The following SDC3 variants were observed in gnomAD, a reference collection of about 807,000 sequenced individuals.
SDC3 encodes the protein syndecan 3.
In SDC3, 13 loss-of-function variants were observed where a neutral mutation model predicts 24.4. The ratio of observed to expected loss-of-function variants is 0.53; its 90% CI spans 0.35 to 0.85. The LOEUF (loss-of-function observed/expected upper bound fraction) is 0.85. SDC3 is among the 40% of genes least tolerant of loss of function. SDC3 has a pLI of 0.01. For synonymous variants in SDC3, 295 were observed against 260.9 expected, an observed-to-expected ratio of 1.13 and a Z score of -1.26; for missense variants, 571 against 584.5, an observed-to-expected ratio of 0.98 and a Z score of 0.24.
intron 1 of SDC3, among the ~76,000 whole-genome samples, chr1:30,887,880 CCT>C (rs1639853283): frequency 6.6e-6 from 1 of 152,218 alleles, no homozygotes; most frequent in South Asian, 2.1e-4. Flanking sequence ...CCTCAGTCTC[CCT>C]GTGTGTAAAA....
chr1:30,879,686 T>C (rs1020844710), intron 1 of SDC3, among the ~76,000 whole-genome samples: 2 of 152,316 alleles, frequency 1.3e-5, no homozygotes, highest in East Asian at 3.9e-4. Flanking sequence ...CTGTCTTCAC[T>C]GTCTTTCTAT....
At chr1:30,886,741 G>A (rs567849606) in intron 1 of SDC3, among the ~76,000 whole-genome samples, 14 of 152,204 alleles carry the variant, frequency 9.2e-5, no homozygotes, top group Non-Finnish European at 1.9e-4. Flanking sequence ...GAAAAGGCTG[G>A]GCCATTCCAT....
intron 1 of SDC3, among the ~76,000 whole-genome samples, chr1:30,904,854 C>A (rs1048614779): frequency 6.6e-6 from 1 of 152,184 alleles, no homozygotes; most frequent in Non-Finnish European, 1.5e-5. Flanking sequence ...GAGCTCACTA[C>A]GTGGCAGGTG....
Position 30,869,648 on chromosome 1 carries a change from TTTTTC to T in SDC3, c.*3558_*3562del, listed in dbSNP as rs1486304423. The T allele has an allele frequency of 8.5e-5, 34 of 398,416 alleles. No individual in the cohort carries two copies. The highest frequency in any genetic ancestry group is 1.2e-4 in the Non-Finnish European group (27 of 226,106). 24.7% of individuals were successfully genotyped at this position (398,416 alleles called of 1,614,324 possible). On this transcript the variant is annotated 3_prime_UTR_variant, in exon 5 of 5. Transcript: ENST00000339394. ...GCCTTGGTCTCTTTTTTCCACTGTCTTTTTCTTTTGTTTTTCTTATTTAAGGTTTT... is the reference window on the plus strand; with the variant it reads ...GCCTTGGTCTCTTTTTTCCACTGTCTTTTTGTTTTTCTTATTTAAGGTTTT...
chr1:30,874,687 T>G (rs966103621), intron 3 of SDC3, 99 bp from the exon 4 acceptor site: 27 of 1,090,176 alleles, frequency 2.5e-5, no homozygotes, highest in Non-Finnish European at 6.8e-6. Flanking sequence ...TAGCACTCCC[T>G]ACATGCCAGG....
intron 2 of SDC3, chr1:30,878,300 G>C: frequency 3.9e-6 from 1 of 257,140 alleles, no homozygotes; most frequent in South Asian, 6.8e-5. Flanking sequence ...CCCACCATTG[G>C]CCACAGCTTA....
In SDC3 at chr1:30,908,619, G is replaced by GGCGGCGT; in HGVS notation, c.-34_-33insACGCCGC. On this transcript the variant is annotated 5_prime_UTR_variant, in exon 1 of 5. Coordinates refer to ENST00000339394, the MANE Select transcript of SDC3 (RefSeq NM_014654.4). The stretch of plus-strand genomic sequence containing the variant: ...GCGCGGGCGCGGGCGGCGGGCGGCG[G>GGCGGCGT]GCGGGCGCCTTTGTTCCCGAGGCGC... 1 of 899,526 alleles carries GGCGGCGT rather than the reference G, an allele frequency of 1.1e-6. No individual in the cohort carries two copies. Among genetic ancestry groups the GGCGGCGT allele is most frequent in the South Asian group, 4.9e-5 (1 of 20,216 alleles). The allele number at this position is 899,526 out of a possible 1,614,324, so 55.7% of individuals were successfully genotyped here.
chr1:30,908,460 GC>G lies in SDC3; in HGVS notation c.126del (p.Arg43AlafsTer61). ...LPPLLLLLLA[G>X]RAAGAQRWRS... ...CGCGTGTCACTCACCCCCGCGGCGC[GC>G]CCCGCCAGCAGCAGCAGCAGCAGCG... is the stretch of plus-strand genomic sequence containing the variant. On this transcript the variant is annotated frameshift_variant, in exon 1 of 5. Coordinates refer to ENST00000339394, the MANE Select transcript of SDC3 (RefSeq NM_014654.4). LOFTEE classifies it high-confidence loss of function. 2 of 1,036,946 alleles carry G rather than the reference GC, an allele frequency of 1.9e-6. No individual in the cohort carries two copies. Among genetic ancestry groups the G allele is most frequent in the Non-Finnish European group, 2.3e-6 (2 of 859,948 alleles). 64.2% of individuals were successfully genotyped at this position (1,036,946 alleles called of 1,614,324 possible). A position where few individuals can be genotyped will look rare whatever the true frequency, so the allele number is the denominator to read the frequency against.
At chr1:30,876,492 C>T in intron 3 of SDC3, 60 bp downstream of exon 3, 2 of 1,402,130 alleles carry the variant, frequency 1.4e-6, no homozygotes, top group East Asian at 2.3e-5. Context: ...CCATCCTCCT[C>T]ATCCCTCCCC....
chr1:30,890,412 T>C (rs1443494684), intron 1 of SDC3, among the ~76,000 whole-genome samples: 1 of 152,262 alleles, frequency 6.6e-6, no homozygotes, highest in Non-Finnish European at 1.5e-5. Context: ...TATTATATTA[T>C]TCCATTTATA....
At chr1:30,896,355 C>G (rs1639998259) in intron 1 of SDC3, among the ~76,000 whole-genome samples, 1 of 152,084 alleles carries the variant, frequency 6.6e-6, no homozygotes, top group Non-Finnish European at 1.5e-5. Context: ...CTGAGGGGAA[C>G]CAGACACTAC....
Position 30,873,026 on chromosome 1 carries a change from G to C in SDC3, c.*185C>G. 1 of 613,450 alleles carries C rather than the reference G, an allele frequency of 1.6e-6. No homozygotes were observed. Among genetic ancestry groups the C allele is most frequent in the South Asian group, 1.9e-5 (1 of 51,800 alleles). The allele number at this position is 613,450 out of a possible 1,614,324, so 38.0% of individuals were successfully genotyped here. On this transcript the variant is annotated 3_prime_UTR_variant, in exon 5 of 5. Transcript: ENST00000339394. ...GTAAGGGCACAGTCTGGGGCAGATG[G>C]CAGCAGCCCCTCTTCCTCGGGGAAG...
intron 1 of SDC3, chr1:30,879,073 C>G: frequency 4.4e-6 from 1 of 227,148 alleles, no homozygotes; most frequent in Non-Finnish European, 8.9e-6. Context: ...TCTGAGCAGC[C>G]GCAATGTTGG....
chr1:30,893,555 AC>A (rs1639939604), intron 1 of SDC3, among the ~76,000 whole-genome samples: 1 of 150,480 alleles, frequency 6.6e-6, no homozygotes, highest in South Asian at 2.1e-4. Context: ...TCCCCATCCC[AC>A]CCTAGTCTCA....
At position 30,873,232 on chromosome 1, in the gene SDC3, C is replaced by T. The variant is rs757238150; in HGVS notation, c.1308G>A (p.Lys436=). 5.6e-6 allele frequency: 9 copies of T among 1,613,676 alleles called. No homozygotes were observed. Among genetic ancestry groups the T allele is most frequent in the Middle Eastern group, 1.7e-4 (1 of 6,054 alleles). The part of the protein sequence containing the change: ...QASVTYQKPD[K]QEEFYA ...TCCACTAGGCATAGAACTCCTCCTG[C>T]TTGTCAGGCTTCTGGTATGTGACGC... The change falls in exon 5 of 5, where the codon AAG becomes AAA. Residue 436 remains lysine, a synonymous_variant. Coordinates refer to ENST00000339394, the MANE Select transcript of SDC3 (RefSeq NM_014654.4).
intron 1 of SDC3, among the ~76,000 whole-genome samples, chr1:30,900,526 T>C (rs1638393982): frequency 1.3e-5 from 2 of 151,996 alleles, no homozygotes; most frequent in African/African-American, 2.4e-5. Context: ...GGACAGGGAA[T>C]AGTGTATGGC....
In SDC3 at chr1:30,873,187, C is replaced by T. The variant is rs1200572887; in HGVS notation, c.*24G>A. 1.9e-6 allele frequency: 3 copies of T among 1,591,906 alleles called. No individual in the cohort carries two copies. Among genetic ancestry groups the T allele is most frequent in the South Asian group, 1.1e-5 (1 of 90,278 alleles). ...ACTGGACAGCAGGGTGGTGTTGAGG[C>T]TGCAGGGAGGCACTGTGGCTCCACT... On this transcript the variant is annotated 3_prime_UTR_variant, in exon 5 of 5. Coordinates refer to ENST00000339394, the MANE Select transcript of SDC3 (RefSeq NM_014654.4).
At chr1:30,898,652 T>G (rs1347751839) in intron 1 of SDC3, among the ~76,000 whole-genome samples, 1 of 152,126 alleles carries the variant, frequency 6.6e-6, no homozygotes, top group Non-Finnish European at 1.5e-5. Context: ...ACAAGCCACG[T>G]GAAGGGAGCA....
Position 30,908,632 on chromosome 1 carries a change from G to C in SDC3, c.-46C>G. On this transcript the variant is annotated 5_prime_UTR_variant, in exon 1 of 5. Coordinates refer to ENST00000339394, the MANE Select transcript of SDC3 (RefSeq NM_014654.4). The stretch of plus-strand genomic sequence containing the variant: ...CGGCGGGCGGCGGGCGGGCGCCTTT[G>C]TTCCCGAGGCGCGGCGCGCGGGGCG... 1.3e-6 allele frequency: 1 copy of C among 770,128 alleles called. No homozygotes were observed. Among genetic ancestry groups the C allele is most frequent in the Non-Finnish European group, 1.6e-6 (1 of 637,256 alleles). The allele number at this position is 770,128 out of a possible 1,614,324, so 47.7% of individuals were successfully genotyped here.
Sources: gnomAD v4.1 joint callset for allele counts (sites outside exome capture counted in the v4.1 genomes callset) on GRCh38, gnomAD v4.1.1 for gene constraint, MANE v1.5 for transcripts, NCBI Gene and HGNC (gene_info 2026-07-23, HGNC 2026-07-21) for gene names.